Variants in TEC observed in about 807,000 individuals in gnomAD.
TEC encodes tyrosine-protein kinase Tec.
Under a neutral mutation model 93.0 loss-of-function variants are expected in TEC, and 72 were observed. The ratio of observed to expected loss-of-function variants is 0.77; its 90% CI spans 0.64 to 0.94. The LOEUF (loss-of-function observed/expected upper bound fraction) is 0.94, where lower values mean the gene tolerates loss of function less well. Ranked by LOEUF, TEC falls within the 40% of genes least tolerant of loss-of-function variation. The probability of loss-of-function intolerance (pLI) is 0.00; values close to 1 mark genes in which losing one functional copy is unlikely to be tolerated. For synonymous variants in TEC, 249 were observed against 247.7 expected (o/e 1.01, Z -0.05); for missense variants, 630 against 757.9 (o/e 0.83, Z 1.98).
chr4:48,143,035 C>T (rs1195244193), intron 14 of TEC, among the ~76,000 whole-genome samples: 1 of 152,168 alleles, frequency 6.6e-6, no homozygotes, highest in Non-Finnish European at 1.5e-5. Context: ...TTCTTCCTGA[C>T]TGTTCATAAT....
intron 6 of TEC, 80 bp downstream of exon 6, chr4:48,168,506 A>T: frequency 6.9e-6 from 10 of 1,441,730 alleles, no homozygotes; most frequent in Non-Finnish European, 9.7e-6. Context: ...CATACTCAGT[A>T]AGTCACAAAC....
rs1404621028 is a variant in TEC at position 48,229,215 on chromosome 4, C to T, written c.-45-556G>A. Reference sequence around the variant, plus strand: ...GGATGTTCTCTGGTGTCTACACTACCATGCTCCAGAGTTCTCTTCCCTATG... The same window carrying T: ...GGATGTTCTCTGGTGTCTACACTACTATGCTCCAGAGTTCTCTTCCCTATG... On this transcript the variant is annotated intron_variant, in intron 1 of 17. Coordinates refer to ENST00000381501, the MANE Select transcript of TEC (RefSeq NM_003215.3). 2.0e-5 allele frequency among the ~76,000 whole-genome samples: 3 copies of T among 152,278 alleles called. 1 individual carries two copies. The highest frequency in any genetic ancestry group is 2.0e-4 in the Admixed American group (3 of 15,304).
chr4:48,182,232 C>T (rs1721619126), intron 2 of TEC, among the ~76,000 whole-genome samples: 1 of 150,982 alleles, frequency 6.6e-6, no homozygotes, highest in Non-Finnish European at 1.5e-5. Context: ...TTGCAGTGAG[C>T]CAAGATCGCA....
intron 1 of TEC, among the ~76,000 whole-genome samples, chr4:48,261,860 C>T (rs1243846374): frequency 2.0e-5 from 3 of 152,134 alleles, no homozygotes; most frequent in Admixed American, 1.3e-4. Context: ...AAGTGTTCCT[C>T]CTTTAGAAAC....
chr4:48,192,979 G>A (rs1722143550), intron 2 of TEC, among the ~76,000 whole-genome samples: 1 of 152,056 alleles, frequency 6.6e-6, no homozygotes, highest in South Asian at 2.1e-4. Flanking sequence ...AGCAGAGCCT[G>A]GCACCTGGCA....
At chr4:48,168,415 C>T (rs529767713) in intron 6 of TEC, among the ~76,000 whole-genome samples, 171 bp downstream of exon 6, 2 of 152,246 alleles carry the variant, frequency 1.3e-5, no homozygotes, top group African/African-American at 4.8e-5. Flanking sequence ...TTTGACACCA[C>T]AAAAAATTGA....
intron 1 of TEC, among the ~76,000 whole-genome samples, chr4:48,244,521 C>A (rs552940502): frequency 2.0e-5 from 3 of 152,362 alleles, no homozygotes; most frequent in East Asian, 1.9e-4. Context: ...TTACTTCCCA[C>A]TGGGTCCCTC....
intron 1 of TEC, among the ~76,000 whole-genome samples, chr4:48,255,471 C>G (rs984766885): frequency 2.0e-5 from 3 of 152,152 alleles, no homozygotes; most frequent in African/African-American, 7.2e-5. Context: ...TCCACCCAAA[C>G]CACATGAATT....
chr4:48,184,244 C>A (rs1721710856), intron 2 of TEC, among the ~76,000 whole-genome samples: 1 of 152,134 alleles, frequency 6.6e-6, no homozygotes, highest in South Asian at 2.1e-4. Flanking sequence ...ACACAATAAT[C>A]CAGGATTTGA....
intron 1 of TEC, among the ~76,000 whole-genome samples, chr4:48,233,340 CTT>C (rs34862159): frequency 2.4e-4 from 33 of 138,328 alleles, no homozygotes; most frequent in Admixed American, 4.4e-4. Flanking sequence ...CCAATTGACA[CTT>C]TTTTTTTTTT....
At chr4:48,212,423 C>T (rs757357175) in intron 2 of TEC, among the ~76,000 whole-genome samples, 14 of 152,126 alleles carry the variant, frequency 9.2e-5, no homozygotes, top group African/African-American at 1.4e-4. Flanking sequence ...ACAGTACACT[C>T]GCCCGAAAGA....
chr4:48,152,435 CATAAATAAATAA>C (rs3062030), intron 9 of TEC, among the ~76,000 whole-genome samples: 1,702 of 149,712 alleles, frequency 0.011, 36 homozygotes, highest in African/African-American at 0.039. Context: ...GAGATACTAT[CATAAATAAATAA>C]ATAAATAAAT....
chr4:48,252,754 A>T (rs565777509), intron 1 of TEC, among the ~76,000 whole-genome samples: 1 of 152,356 alleles, frequency 6.6e-6, no homozygotes, highest in South Asian at 2.1e-4. Flanking sequence ...TCCTCAGAAC[A>T]CTAGGAGCTG....
At chr4:48,199,697 G>C (rs991134409) in intron 2 of TEC, among the ~76,000 whole-genome samples, 1 of 151,852 alleles carries the variant, frequency 6.6e-6, no homozygotes, top group African/African-American at 2.4e-5. Flanking sequence ...TCGAACTCCT[G>C]ACCTCGTGAT....
intron 2 of TEC, among the ~76,000 whole-genome samples, chr4:48,205,720 A>T (rs1722694773): frequency 6.6e-6 from 1 of 152,240 alleles, no homozygotes; most frequent in East Asian, 1.9e-4. Context: ...GGATTTGGAG[A>T]AATTGGAACG....
chr4:48,205,689 G>T (rs906624415), intron 2 of TEC, among the ~76,000 whole-genome samples: 8 of 152,164 alleles, frequency 5.3e-5, no homozygotes, highest in African/African-American at 1.9e-4. Flanking sequence ...CAACAAAAGA[G>T]AAAATAACAA....
At chr4:48,268,197 G>T (rs1724688726) in intron 1 of TEC, among the ~76,000 whole-genome samples, 1 of 152,234 alleles carries the variant, frequency 6.6e-6, no homozygotes, top group Non-Finnish European at 1.5e-5. Flanking sequence ...GAAAATGCTA[G>T]AGCATACATT....
intron 1 of TEC, among the ~76,000 whole-genome samples, chr4:48,229,170 C>T (rs778898400): frequency 9.8e-4 from 149 of 152,248 alleles, no homozygotes; most frequent in Non-Finnish European, 1.7e-3. Context: ...AATGAAGCAT[C>T]CTAGTTACCA....
intron 10 of TEC, among the ~76,000 whole-genome samples, chr4:48,150,092 G>C (rs1033534854): frequency 3.9e-5 from 6 of 152,154 alleles, no homozygotes; most frequent in African/African-American, 1.4e-4. Context: ...CCTTTCTAGA[G>C]CACAGATCTT....
Sources: gnomAD v4.1 joint callset for allele counts (sites outside exome capture counted in the v4.1 genomes callset) on GRCh38, gnomAD v4.1.1 for gene constraint, MANE v1.5 for transcripts, NCBI Gene and HGNC (gene_info 2026-07-23, HGNC 2026-07-21) for gene names.